The following NPAS3 variants were observed in gnomAD, a reference collection of about 807,000 sequenced individuals.
The protein encoded by NPAS3 is neuronal PAS domain-containing protein 3.
A neutral mutation model predicts 73.1 loss-of-function variants in NPAS3; 14 were observed. That is an observed-to-expected ratio of 0.19 (90% confidence interval 0.13 to 0.30). The LOEUF (loss-of-function observed/expected upper bound fraction) is 0.30, where lower values mean the gene tolerates loss of function less well. Among genes scored for constraint, NPAS3 ranks in the 10% least tolerant of loss-of-function variants. NPAS3 has a pLI of 1.00. For synonymous variants in NPAS3, 620 were observed against 541.5 expected (o/e 1.14, Z -2.01); for missense variants, 1,096 against 1,250.0 (o/e 0.88, Z 1.86).
intron 3 of NPAS3, among the ~76,000 whole-genome samples, chr14:33,276,942 C>T (rs779591307): frequency 1.2e-4 from 19 of 152,026 alleles, no homozygotes; most frequent in Non-Finnish European, 2.8e-4. Context: ...TCATAGAGTG[C>T]CTACTATGTG....
intron 3 of NPAS3, among the ~76,000 whole-genome samples, chr14:33,366,325 TAA>T (rs112336571): frequency 3.4e-4 from 50 of 145,924 alleles, no homozygotes; most frequent in African/African-American, 1.2e-3. Flanking sequence ...GAACCCCACG[TAA>T]AAAAAAAAAA....
intron 4 of NPAS3, among the ~76,000 whole-genome samples, chr14:33,544,797 T>C (rs2054718270): frequency 9.6e-6 from 1 of 104,066 alleles, no homozygotes; most frequent in South Asian, 2.6e-4. Flanking sequence ...ATTATATATA[T>C]ATATATATAT....
At chr14:33,250,157 T>A (rs2048530527) in intron 3 of NPAS3, among the ~76,000 whole-genome samples, 1 of 152,128 alleles carries the variant, frequency 6.6e-6, no homozygotes, top group Non-Finnish European at 1.5e-5. Context: ...AATAACATGC[T>A]GTTACAAGCC....
intron 4 of NPAS3, among the ~76,000 whole-genome samples, chr14:33,407,518 A>G (rs1042587371): frequency 3.9e-5 from 6 of 152,134 alleles, no homozygotes; most frequent in African/African-American, 1.4e-4. Flanking sequence ...TACACAATTT[A>G]CCATTTTTCA....
chr14:33,292,813 C>A (rs917930589), intron 3 of NPAS3, among the ~76,000 whole-genome samples: 1 of 151,962 alleles, frequency 6.6e-6, no homozygotes, highest in Non-Finnish European at 1.5e-5. Context: ...TCAAATAATC[C>A]CCATGTATTC....
chr14:33,774,814 T>A (rs193265446), intron 8 of NPAS3, among the ~76,000 whole-genome samples: 68 of 152,294 alleles, frequency 4.5e-4, no homozygotes, highest in Non-Finnish European at 4.6e-4. Flanking sequence ...AGAGCAGGGC[T>A]TAGATGCCAT....
chr14:33,051,280 CAAAAA>C (rs1236766783), intron 1 of NPAS3, among the ~76,000 whole-genome samples: 1 of 64,260 alleles, frequency 1.6e-5, no homozygotes. Context: ...GACTCCGTCT[CAAAAA>C]AAAAAAAAAA....
intron 1 of NPAS3, among the ~76,000 whole-genome samples, chr14:32,947,687 A>G (rs1470271033): frequency 6.6e-6 from 1 of 152,132 alleles, no homozygotes; most frequent in Non-Finnish European, 1.5e-5. Flanking sequence ...AGTTACAAAG[A>G]TATCTTGAAC....
At chr14:33,132,132 A>G (rs1005591541) in intron 2 of NPAS3, among the ~76,000 whole-genome samples, 1 of 152,120 alleles carries the variant, frequency 6.6e-6, no homozygotes, top group Non-Finnish European at 1.5e-5. Flanking sequence ...TGGGAAGCAG[A>G]TATGGAGGTT....
At chr14:33,069,091 A>G (rs2041387425) in intron 2 of NPAS3, among the ~76,000 whole-genome samples, 1 of 152,170 alleles carries the variant, frequency 6.6e-6, no homozygotes, top group Non-Finnish European at 1.5e-5. Flanking sequence ...TGAGGGTGGA[A>G]GCAGGGGACT....
chr14:33,778,610 T>C, intron 9 of NPAS3, 38 bp downstream of exon 9: 1 of 1,376,352 alleles, frequency 7.3e-7, no homozygotes, highest in Non-Finnish European at 1.0e-6. Context: ...CCCCGGCTGG[T>C]GTCAGCAATC....
At chr14:33,655,874 T>G (rs923007438) in intron 5 of NPAS3, among the ~76,000 whole-genome samples, 1 of 152,190 alleles carries the variant, frequency 6.6e-6, no homozygotes, top group African/African-American at 2.4e-5. Flanking sequence ...TCATACCGTT[T>G]GCATCAAGTT....
At chr14:33,267,779 G>A (rs949868539) in intron 3 of NPAS3, among the ~76,000 whole-genome samples, 2 of 152,166 alleles carry the variant, frequency 1.3e-5, no homozygotes, top group African/African-American at 2.4e-5. Flanking sequence ...ATCTGCATGT[G>A]TAATTGTTTG....
chr14:33,413,768 T>A (rs1485910683), intron 4 of NPAS3, among the ~76,000 whole-genome samples: 1 of 152,156 alleles, frequency 6.6e-6, no homozygotes, highest in Non-Finnish European at 1.5e-5. Flanking sequence ...ACTGTAAGAA[T>A]GCAAAGTATC....
intron 1 of NPAS3, among the ~76,000 whole-genome samples, chr14:32,963,502 T>G (rs2037016274): frequency 1.3e-5 from 2 of 152,060 alleles, no homozygotes; most frequent in South Asian, 4.1e-4. Flanking sequence ...GGGAATGGAG[T>G]GGGTATTCCC....
chr14:33,117,996 C>G (rs1012344058), intron 2 of NPAS3, among the ~76,000 whole-genome samples: 1 of 152,012 alleles, frequency 6.6e-6, no homozygotes, highest in Non-Finnish European at 1.5e-5. Flanking sequence ...GGTGAGTACT[C>G]TTCCATTATT....
At chr14:33,092,861 A>G (rs1199159144) in intron 2 of NPAS3, among the ~76,000 whole-genome samples, 3 of 152,204 alleles carry the variant, frequency 2.0e-5, no homozygotes, top group African/African-American at 7.2e-5. Flanking sequence ...AAAAACAACA[A>G]ATGGGGAAAA....
At chr14:33,120,704 A>G (rs1383112886) in intron 2 of NPAS3, among the ~76,000 whole-genome samples, 1 of 152,112 alleles carries the variant, frequency 6.6e-6, no homozygotes, top group African/African-American at 2.4e-5. Context: ...GAGATACTGA[A>G]TAAGAATCTG....
chr14:33,472,711 A>G (rs1594973482), intron 4 of NPAS3, among the ~76,000 whole-genome samples: 1 of 149,936 alleles, frequency 6.7e-6, no homozygotes, highest in Admixed American at 6.6e-5. Flanking sequence ...TTTTGTCCTC[A>G]GTGGCTGGAT....
Sources: gnomAD v4.1 joint callset for allele counts (sites outside exome capture counted in the v4.1 genomes callset) on GRCh38, gnomAD v4.1.1 for gene constraint, MANE v1.5 for transcripts, NCBI Gene and HGNC (gene_info 2026-07-23, HGNC 2026-07-21) for gene names.